Variants in EPB41L4B observed in about 807,000 individuals in gnomAD.
EPB41L4B encodes the protein erythrocyte membrane protein band 4.1 like 4B, also known as band 4.1-like protein 4B.
In EPB41L4B, 30 loss-of-function variants were observed where a neutral mutation model predicts 112.5. The ratio of observed to expected loss-of-function variants is 0.27; its 90% confidence interval spans 0.20 to 0.36. The LOEUF (loss-of-function observed/expected upper bound fraction) is 0.36. Among genes scored for constraint, EPB41L4B ranks in the 10% least tolerant of loss-of-function variants. The pLI is 1.00. For missense variants in EPB41L4B, 1,024 were observed against 1,133.3 expected (o/e 0.90, Z 1.38); for synonymous variants, 408 against 439.7 (o/e 0.93, Z 0.90).
At chr9:109,301,016 C>T (rs1025380463) in intron 1 of EPB41L4B, 1 of 152,190 alleles carries the variant, frequency 6.6e-6, no homozygotes, top group Non-Finnish European at 1.5e-5. Flanking sequence ...TCATAGCCAC[C>T]ATAGCCCTGC....
chr9:109,244,681 C>A (rs949995878), intron 14 of EPB41L4B, among the ~76,000 whole-genome samples: 2 of 152,018 alleles, frequency 1.3e-5, no homozygotes, highest in African/African-American at 4.8e-5. Context: ...GCAGCCCTAG[C>A]CGGCTAGGTA....
rs10759332 is a variant in EPB41L4B at position 109,171,981 on chromosome 9, A to G, written c.*2573T>C. 14,865 of 152,222 alleles carry G rather than the reference A, an allele frequency of 0.098. 983 individuals carry two copies. Among genetic ancestry groups the G allele is most frequent in the Middle Eastern group, 0.17 (50 of 294 alleles). 9.4% of individuals were successfully genotyped at this position (152,222 alleles called of 1,614,324 possible). A position where few individuals can be genotyped will look rare whatever the true frequency, so the allele number is the denominator to read the frequency against. ...AATAACCAGGACAACTGCTGAAACCATGGAATCCTCTTATTTTACTGGTTA... is the reference window on the plus strand; with the variant it reads ...AATAACCAGGACAACTGCTGAAACCGTGGAATCCTCTTATTTTACTGGTTA... On this transcript the variant is annotated 3_prime_UTR_variant, in exon 26 of 26. Transcript: ENST00000374566.
Position 109,263,102 on chromosome 9 carries a change from T to C in EPB41L4B, c.579A>G (p.Lys193=). ...CAGCTGTTTCATAAGGGCATTTCAA[T>C]CTTGAAAAAAATAAAATGAAATTAA... The part of the protein sequence containing the change: ...LQLRHDILSG[K]LKCPYETAVE... The change falls in exon 6 of 26, where the codon AAA becomes AAG. Residue 193 remains lysine (K), a splice_region_variant and synonymous_variant. Transcript: ENST00000374566. 6.3e-7 allele frequency: 1 copy of C among 1,583,564 alleles called. No individual in the cohort carries two copies. The highest frequency in any genetic ancestry group is 1.1e-5 in the South Asian group (1 of 88,176).
chr9:109,279,272 G>T (rs1183304369), intron 2 of EPB41L4B, among the ~76,000 whole-genome samples: 3 of 151,548 alleles, frequency 2.0e-5, no homozygotes, highest in African/African-American at 7.3e-5. Context: ...AGGCTGAGGT[G>T]GCAGGATCGA....
At chr9:109,300,430 C>A (rs1324069307) in intron 1 of EPB41L4B, 1 of 152,162 alleles carries the variant, frequency 6.6e-6, no homozygotes, top group East Asian at 1.9e-4. Flanking sequence ...TACAACCCCA[C>A]CATCACAATC....
chr9:109,242,862 A>C (rs867309103), intron 15 of EPB41L4B, among the ~76,000 whole-genome samples: 24 of 152,020 alleles, frequency 1.6e-4, no homozygotes, highest in African/African-American at 4.6e-4. Context: ...AAAAAAAAAA[A>C]AAAACAAAAA....
At position 109,265,153 on chromosome 9, in the gene EPB41L4B, C is replaced by G. The variant is rs866476255; in HGVS notation, c.534-129G>C. ...TGCATTGTAAAAAAGGAGTCCAAATCAAATGAGAACTTTGGTGGAAGCATC... is the reference window on the plus strand; with the variant it reads ...TGCATTGTAAAAAAGGAGTCCAAATGAAATGAGAACTTTGGTGGAAGCATC... On this transcript the variant is annotated intron_variant, in intron 4 of 25. Coordinates refer to ENST00000374566, the MANE Select transcript of EPB41L4B (RefSeq NM_019114.5). 58 of 693,552 alleles carry G rather than the reference C, an allele frequency of 8.4e-5. No homozygotes were observed. In the African/African-American group the frequency reaches 1.0e-3, roughly 12 times the overall value. 43.0% of individuals were successfully genotyped at this position (693,552 alleles called of 1,614,324 possible). A position where few individuals can be genotyped will look rare whatever the true frequency, so the allele number is the denominator to read the frequency against.
chr9:109,256,712 G>A (rs796784952), intron 7 of EPB41L4B, among the ~76,000 whole-genome samples: 4 of 152,376 alleles, frequency 2.6e-5, no homozygotes, highest in African/African-American at 9.6e-5. Context: ...GGAGGCCAAG[G>A]TTGGTGGATC....
At chr9:109,310,590 CT>C (rs1466780824) in intron 1 of EPB41L4B, among the ~76,000 whole-genome samples, 1 of 152,160 alleles carries the variant, frequency 6.6e-6, no homozygotes, top group Non-Finnish European at 1.5e-5. Flanking sequence ...GGGGAGAAAA[CT>C]TGCCTGCCAC....
chr9:109,241,261 G>C, intron 15 of EPB41L4B: 1 of 995,630 alleles, frequency 1.0e-6, no homozygotes, highest in Non-Finnish European at 1.2e-6. Context: ...GGCCACACTA[G>C]GGAAACTGGA....
At chr9:109,263,977 G>A (rs966620884) in intron 5 of EPB41L4B, among the ~76,000 whole-genome samples, 1 of 152,040 alleles carries the variant, frequency 6.6e-6, no homozygotes, top group Non-Finnish European at 1.5e-5. Context: ...TTTCCAAACC[G>A]AAGACAATTT....
At chr9:109,288,362 C>T (rs534168953) in intron 1 of EPB41L4B, among the ~76,000 whole-genome samples, 16 of 152,038 alleles carry the variant, frequency 1.1e-4, no homozygotes, top group Admixed American at 7.9e-4. Context: ...GCAGGAGGTT[C>T]GCTTGAGTCC....
chr9:109,282,042 G>A (rs567569033), intron 1 of EPB41L4B, among the ~76,000 whole-genome samples: 3 of 152,176 alleles, frequency 2.0e-5, no homozygotes, highest in Non-Finnish European at 4.4e-5. Flanking sequence ...ACTGTACAAT[G>A]GACTATCATT....
rs947166585 is a variant in EPB41L4B, at chr9:109,279,530, A to G, written c.411+287T>C. Among the ~76,000 whole-genome samples, 5 of 152,174 alleles carry G rather than the reference A, an allele frequency of 3.3e-5. No individual in the cohort carries two copies. In the South Asian group the frequency reaches 6.2e-4, roughly 19 times the overall value. On this transcript the variant is annotated intron_variant, in intron 2 of 25. Transcript: ENST00000374566. ...CTGCCCCCAGCCTGAAAGAACTTCT[A>G]TAATGATGTTTCTTCTTTCTACCTT...
At chr9:109,265,924 C>T (rs971874238) in intron 4 of EPB41L4B, among the ~76,000 whole-genome samples, 1 of 151,918 alleles carries the variant, frequency 6.6e-6, no homozygotes, top group African/African-American at 2.4e-5. Flanking sequence ...CAGCTAGAAG[C>T]AGCATTCATA....
At chr9:109,279,757 G>A in intron 2 of EPB41L4B, 60 bp downstream of exon 2, 1 of 1,368,958 alleles carries the variant, frequency 7.3e-7, no homozygotes, top group African/African-American at 1.4e-5. Context: ...AGCAACTGTG[G>A]ACGTGCAATT....
intron 15 of EPB41L4B, 151 bp from the exon 16 acceptor site, chr9:109,217,296 A>G: frequency 1.5e-6 from 1 of 663,612 alleles, no homozygotes. Flanking sequence ...TACAATGGTA[A>G]TATTATACTT....
chr9:109,280,504 G>C (rs1472393848), intron 1 of EPB41L4B, among the ~76,000 whole-genome samples: 4 of 152,168 alleles, frequency 2.6e-5, no homozygotes, highest in Non-Finnish European at 4.4e-5. Context: ...AAAGCAGTCG[G>C]AGAAACAAGG....
intron 15 of EPB41L4B, among the ~76,000 whole-genome samples, chr9:109,234,781 C>T (rs1834080346): frequency 6.6e-6 from 1 of 152,148 alleles, no homozygotes; most frequent in Admixed American, 6.5e-5. Context: ...TCACTTGAGC[C>T]CCGGAGGTGG....
Sources: gnomAD v4.1 joint callset for allele counts (sites outside exome capture counted in the v4.1 genomes callset) on GRCh38, gnomAD v4.1.1 for gene constraint, MANE v1.5 for transcripts, NCBI Gene and HGNC (gene_info 2026-07-23, HGNC 2026-07-21) for gene names.